Variants in FGF14 observed in about 807,000 individuals in gnomAD.
FGF14 encodes fibroblast growth factor homologous factor 4.
In FGF14, 5 loss-of-function variants were observed where a neutral mutation model predicts 25.5. The ratio of observed to expected loss-of-function variants is 0.20; its 90% CI spans 0.10 to 0.41. The LOEUF is 0.41. Among genes scored for constraint, FGF14 ranks in the 10% least tolerant of loss-of-function variants. The pLI is 1.00. For missense variants in FGF14, 222 were observed against 320.1 expected, an observed-to-expected ratio of 0.69 and a Z score of 2.34; for synonymous variants, 138 against 118.3, an observed-to-expected ratio of 1.17 and a Z score of -1.08.
intron 1 of FGF14, among the ~76,000 whole-genome samples, chr13:101,943,820 A>ATATATAT (rs1555324427): frequency 4.1e-5 from 5 of 121,162 alleles, no homozygotes; most frequent in African/African-American, 3.1e-4. Context: ...CTTAAAAAAA[A>ATATATAT]AAAAAAATAT....
chr13:102,363,528 G>A (rs1176062981), intron 1 of FGF14, among the ~76,000 whole-genome samples: 2 of 152,192 alleles, frequency 1.3e-5, no homozygotes, highest in African/African-American at 4.8e-5. Context: ...TGCTCAATTA[G>A]AACACTATGT....
At chr13:101,955,555 T>C (rs945187692) in intron 1 of FGF14, among the ~76,000 whole-genome samples, 1 of 152,190 alleles carries the variant, frequency 6.6e-6, no homozygotes, top group Non-Finnish European at 1.5e-5. Flanking sequence ...ATAAAATGCA[T>C]AGGTAGGTAG....
chr13:102,160,309 C>A (rs76020103), intron 1 of FGF14, among the ~76,000 whole-genome samples: 7,600 of 152,142 alleles, frequency 0.05, 388 homozygotes, highest in East Asian at 0.2. Context: ...CCAGGGACAA[C>A]CCCCTAGATA....
intron 1 of FGF14, among the ~76,000 whole-genome samples, chr13:102,005,363 A>G (rs2039726752): frequency 6.6e-6 from 1 of 152,224 alleles, no homozygotes; most frequent in Non-Finnish European, 1.5e-5. Context: ...ACTTGCACAG[A>G]GATTTCTGTG....
intron 1 of FGF14, among the ~76,000 whole-genome samples, chr13:101,948,471 AT>A (rs1223002728): frequency 0.056 from 7,488 of 133,442 alleles, 533 homozygotes; most frequent in African/African-American, 0.18. Context: ...TAATAAAAAA[AT>A]ATATATATAT....
intron 1 of FGF14, among the ~76,000 whole-genome samples, chr13:102,160,160 T>C (rs1347386328): frequency 6.6e-6 from 1 of 152,192 alleles, no homozygotes; most frequent in African/African-American, 2.4e-5. Flanking sequence ...TTTTTGGTTC[T>C]TTCCTTGTTG....
At chr13:101,866,877 G>A (rs1566343135) in intron 3 of FGF14, among the ~76,000 whole-genome samples, 1 of 152,202 alleles carries the variant, frequency 6.6e-6, no homozygotes, top group Non-Finnish European at 1.5e-5. Context: ...GGTAGGGGCT[G>A]AGTGAACTGT....
At chr13:101,725,580 G>A (rs2035365446) in intron 4 of FGF14, among the ~76,000 whole-genome samples, 1 of 151,982 alleles carries the variant, frequency 6.6e-6, no homozygotes, top group Non-Finnish European at 1.5e-5. Flanking sequence ...AGAATTGACT[G>A]TTCAAATTTT....
intron 1 of FGF14, among the ~76,000 whole-genome samples, chr13:102,363,380 A>G (rs1365778289): frequency 6.6e-6 from 1 of 152,188 alleles, no homozygotes; most frequent in Non-Finnish European, 1.5e-5. Context: ...AGTGATTCTG[A>G]GAGAGGTTGA....
intron 1 of FGF14, among the ~76,000 whole-genome samples, chr13:102,006,374 T>C (rs542196162): frequency 6.6e-6 from 1 of 152,274 alleles, no homozygotes; most frequent in South Asian, 2.1e-4. Flanking sequence ...ATACTGATGG[T>C]GAATACTGGG....
chr13:102,065,306 G>A (rs2042856391), intron 1 of FGF14, among the ~76,000 whole-genome samples: 1 of 152,022 alleles, frequency 6.6e-6, no homozygotes, highest in Non-Finnish European at 1.5e-5. Context: ...ACGATCTACT[G>A]TGCTACATTC....
intron 1 of FGF14, among the ~76,000 whole-genome samples, chr13:102,355,842 C>T (rs977290225): frequency 2.0e-5 from 3 of 151,850 alleles, no homozygotes; most frequent in Admixed American, 6.6e-5. Context: ...ACAGAAAGTA[C>T]TCATATAAAT....
chr13:102,278,799 A>G (rs1183344864), intron 1 of FGF14, among the ~76,000 whole-genome samples: 1 of 152,112 alleles, frequency 6.6e-6, no homozygotes, highest in African/African-American at 2.4e-5. Flanking sequence ...AGGAAATCAA[A>G]TTCCATCAGA....
chr13:102,396,792 A>T (rs1157046497), intron 1 of FGF14, among the ~76,000 whole-genome samples: 1 of 152,218 alleles, frequency 6.6e-6, no homozygotes, highest in Non-Finnish European at 1.5e-5. Flanking sequence ...ATACATTTCA[A>T]AAAAGAAAAA....
chr13:101,721,780 T>G lies in FGF14; in HGVS notation c.*1051A>C, dbSNP rs2035008324. 1 of 151,964 alleles carries G rather than the reference T, an allele frequency of 6.6e-6. No homozygotes were observed. The highest frequency in any genetic ancestry group is 1.5e-5 in the Non-Finnish European group (1 of 67,990). 9.4% of individuals were successfully genotyped at this position (151,964 alleles called of 1,614,324 possible). Reference sequence around the variant, plus strand: ...GAAACGGGGATGGCGTTAAGTTTGGTTCATTAAAAACAGGACGGAGTATAT... The same window carrying G: ...GAAACGGGGATGGCGTTAAGTTTGGGTCATTAAAAACAGGACGGAGTATAT... On this transcript the variant is annotated 3_prime_UTR_variant, in exon 5 of 5. Transcript: ENST00000376143.
chr13:102,088,174 T>A (rs916535207), intron 1 of FGF14, among the ~76,000 whole-genome samples: 1 of 152,224 alleles, frequency 6.6e-6, no homozygotes, highest in Non-Finnish European at 1.5e-5. Context: ...TTCGTTTCTC[T>A]ATGATACACA....
chr13:102,327,531 G>C (rs549926278), intron 1 of FGF14, among the ~76,000 whole-genome samples: 5 of 152,066 alleles, frequency 3.3e-5, no homozygotes, highest in African/African-American at 1.2e-4. Flanking sequence ...ACTGTACTAC[G>C]ATCATGAAAA....
intron 1 of FGF14, among the ~76,000 whole-genome samples, chr13:101,983,750 C>T (rs774453930): frequency 4.6e-5 from 7 of 152,096 alleles, no homozygotes; most frequent in African/African-American, 1.7e-4. Flanking sequence ...AACCCAGGGC[C>T]GTGCTGAGGC....
At chr13:101,914,918 G>T (rs1239331869) in intron 1 of FGF14, among the ~76,000 whole-genome samples, 1 of 152,136 alleles carries the variant, frequency 6.6e-6, no homozygotes, top group South Asian at 2.1e-4. Context: ...TTGATCCTCC[G>T]TCTATCAACG....
Sources: allele counts gnomAD v4.1 joint callset (sites outside exome capture counted in the v4.1 genomes callset), GRCh38; gene constraint gnomAD v4.1.1; transcripts MANE v1.5; gene names NCBI Gene and HGNC (gene_info 2026-07-23, HGNC 2026-07-21).